SV2C: variants seen among roughly 807,000 people sequenced by gnomAD.
SV2C encodes the protein solute carrier family 22 member B3.
SV2C carries 49 observed loss-of-function variants against 79.7 expected under a neutral mutation model. The ratio of observed to expected loss-of-function variants is 0.61; its 90% confidence interval spans 0.49 to 0.78. The LOEUF (loss-of-function observed/expected upper bound fraction) is 0.78. SV2C is among the 30% of genes least tolerant of loss of function. The pLI is 0.00. For missense variants in SV2C, 833 were observed against 912.9 expected (o/e 0.91, Z 1.13); for synonymous variants, 334 against 333.2 (o/e 1.00, Z -0.03).
chr5:76,234,358 G>A (rs571806115), intron 4 of SV2C, among the ~76,000 whole-genome samples: 2 of 152,274 alleles, frequency 1.3e-5, no homozygotes, highest in East Asian at 1.9e-4. Flanking sequence ...TCTAAAGCAC[G>A]ATTTATAAAT....
rs147128891 is a variant in SV2C at position 76,148,229 on chromosome 5, G to A, written c.580+15899G>A. ...CACTATATATCTTTTTTTTCAAACC[G>A]CAAATAGCTCTCTGCAAACAGGGCC... On this transcript the variant is annotated intron_variant, in intron 2 of 12. Transcript: ENST00000502798. Among the ~76,000 whole-genome samples, 485 of 152,088 alleles carry A rather than the reference G, an allele frequency of 3.2e-3. 2 individuals carry two copies. The highest frequency in any genetic ancestry group is 4.2e-3 in the Non-Finnish European group (284 of 67,986).
At chr5:76,051,293 CAG>C in the SV2C span, among the ~76,000 whole-genome samples, 28 of 152,194 alleles carry the variant, frequency 1.8e-4, no homozygotes, top group African/African-American at 6.5e-4. Flanking sequence ...TAATAATACT[CAG>C]AGGTGTTGAA....
At chr5:76,181,390 T>C (rs10064352) in intron 2 of SV2C, among the ~76,000 whole-genome samples, 104,357 of 151,722 alleles carry the variant, frequency 0.69, 36,918 homozygotes, top group East Asian at 0.91. Flanking sequence ...ACAGTGCCTT[T>C]GCCTTTTCAC....
intron 4 of SV2C, among the ~76,000 whole-genome samples, chr5:76,228,710 G>A (rs1007314978): frequency 1.3e-5 from 2 of 152,122 alleles, no homozygotes; most frequent in African/African-American, 4.8e-5. Flanking sequence ...TGTTTATTGA[G>A]CATTTATTAT....
chr5:76,032,571 A>G, the SV2C span, among the ~76,000 whole-genome samples: 1 of 152,220 alleles, frequency 6.6e-6, no homozygotes, highest in Non-Finnish European at 1.5e-5. Flanking sequence ...TACAAAGGAC[A>G]TGAACTCATC....
At chr5:76,130,497 A>G (rs991103017) in intron 1 of SV2C, among the ~76,000 whole-genome samples, 2 of 152,224 alleles carry the variant, frequency 1.3e-5, no homozygotes, top group East Asian at 3.8e-4. Context: ...TGACGATTAT[A>G]TAAATCAATG....
chr5:76,342,217 C>T (rs547068384), intron 12 of SV2C, among the ~76,000 whole-genome samples: 3 of 152,258 alleles, frequency 2.0e-5, no homozygotes, highest in African/African-American at 7.2e-5. Context: ...GCCTGGCAGA[C>T]CTGACACAAC....
chr5:75,957,162 G>T, the SV2C span, among the ~76,000 whole-genome samples: 1 of 151,960 alleles, frequency 6.6e-6, no homozygotes, highest in Non-Finnish European at 1.5e-5. Context: ...GATGGGAAAA[G>T]CCTAGAAGCT....
intron 12 of SV2C, among the ~76,000 whole-genome samples, chr5:76,321,106 C>A (rs897524059): frequency 1.3e-5 from 2 of 152,018 alleles, no homozygotes; most frequent in Non-Finnish European, 2.9e-5. Context: ...GGATAATAAC[C>A]ACAATAAATA....
At chr5:76,188,800 G>C (rs889807941) in intron 2 of SV2C, among the ~76,000 whole-genome samples, 1 of 151,904 alleles carries the variant, frequency 6.6e-6, no homozygotes, top group African/African-American at 2.4e-5. Flanking sequence ...TTGGGTGGGG[G>C]GCAGGGACAG....
chr5:76,177,943 G>C (rs546255777), intron 2 of SV2C, among the ~76,000 whole-genome samples: 6 of 152,272 alleles, frequency 3.9e-5, no homozygotes, highest in African/African-American at 1.4e-4. Flanking sequence ...ATATAGAGGA[G>C]ATTTCTCTGA....
At chr5:75,907,234 G>A in the SV2C span, among the ~76,000 whole-genome samples, 1 of 152,196 alleles carries the variant, frequency 6.6e-6, no homozygotes, top group East Asian at 1.9e-4. Flanking sequence ...CTACAAATTG[G>A]TTTAAGGACA....
chr5:76,143,603 G>A (rs139435888), intron 2 of SV2C, among the ~76,000 whole-genome samples: 1 of 152,312 alleles, frequency 6.6e-6, no homozygotes, highest in East Asian at 1.9e-4. Context: ...TGACCCCCAG[G>A]AAGCAATAGG....
the SV2C span, among the ~76,000 whole-genome samples, chr5:75,975,868 A>G: frequency 6.6e-6 from 1 of 152,182 alleles, no homozygotes; most frequent in Non-Finnish European, 1.5e-5. Flanking sequence ...ACAGCTCTAC[A>G]TAAAACTGTC....
chr5:75,956,585 T>C, the SV2C span, among the ~76,000 whole-genome samples: 1 of 151,960 alleles, frequency 6.6e-6, no homozygotes, highest in African/African-American at 2.4e-5. Flanking sequence ...CTCTTGTAGA[T>C]GGAGGGTAGC....
the SV2C span, among the ~76,000 whole-genome samples, chr5:76,000,226 G>C: frequency 6.6e-6 from 1 of 152,032 alleles, no homozygotes; most frequent in East Asian, 1.9e-4. Flanking sequence ...ACTTCAACCA[G>C]CAAAGTTTCT....
chr5:76,283,302 C>G (rs1334825057), intron 4 of SV2C, among the ~76,000 whole-genome samples: 1 of 151,858 alleles, frequency 6.6e-6, no homozygotes, highest in Non-Finnish European at 1.5e-5. Flanking sequence ...GGCGACAGAG[C>G]GAGACTCCAT....
At chr5:76,152,024 G>T (rs1048030313) in intron 2 of SV2C, among the ~76,000 whole-genome samples, 1 of 152,172 alleles carries the variant, frequency 6.6e-6, no homozygotes, top group Admixed American at 6.5e-5. Flanking sequence ...GGTGAGAGAA[G>T]TCCTAAAATA....
chr5:76,079,243 A>G, upstream of SV2C: 1 of 329,042 alleles, frequency 3.0e-6, no homozygotes, highest in South Asian at 3.7e-5. Context: ...TCACTGGCAA[A>G]GAGGTACTGC....
Sources: allele counts gnomAD v4.1 joint callset (sites outside exome capture counted in the v4.1 genomes callset), GRCh38; gene constraint gnomAD v4.1.1; transcripts MANE v1.5; gene names NCBI Gene and HGNC (gene_info 2026-07-23, HGNC 2026-07-21).